The following MAMLD1 variants were observed in gnomAD, a reference collection of about 807,000 sequenced individuals.
MAMLD1 encodes mastermind-like domain-containing protein 1.
MAMLD1 carries 14 observed loss-of-function variants against 45.0 expected under a neutral mutation model. The ratio of observed to expected loss-of-function variants is 0.31; its 90% CI spans 0.21 to 0.49. The LOEUF (loss-of-function observed/expected upper bound fraction) is 0.49, where lower values mean the gene tolerates loss of function less well. Ranked by LOEUF, MAMLD1 falls within the 20% of genes least tolerant of loss-of-function variation. MAMLD1 has a pLI of 0.99. For missense variants in MAMLD1, 543 were observed against 603.6 expected (o/e 0.90, Z 1.05); for synonymous variants, 254 against 247.8 (o/e 1.02, Z -0.24).
At chrX:150,428,018 C>G (rs781859336) in intron 1 of MAMLD1, among the ~76,000 whole-genome samples, 1 of 110,963 alleles carries the variant, frequency 9.0e-6, no homozygotes, top group East Asian at 2.9e-4. Context: ...GCTAAAGGTC[C>G]CAGATAAGCA....
chrX:150,499,544 CAG>C (rs782773025), intron 5 of MAMLD1, among the ~76,000 whole-genome samples: 28 of 111,531 alleles, frequency 2.5e-4, no homozygotes, highest in East Asian at 8.5e-4. Context: ...GCCAAAAGTG[CAG>C]AGTTATTTCA....
chrX:150,374,856 C>T (rs1268918713), intron 1 of MAMLD1, among the ~76,000 whole-genome samples: 1 of 111,314 alleles, frequency 9.0e-6, no homozygotes, highest in African/African-American at 3.3e-5. Flanking sequence ...ACGGTCACAC[C>T]GGGCATGAGA....
intron 1 of MAMLD1, among the ~76,000 whole-genome samples, chrX:150,411,815 C>T (rs183764485): frequency 2.7e-5 from 3 of 111,426 alleles, no homozygotes; most frequent in Non-Finnish European, 3.8e-5. Context: ...AGTTGTGAGC[C>T]CCAGAAGCAG....
At chrX:150,411,220 A>C (rs2034117112) in intron 1 of MAMLD1, among the ~76,000 whole-genome samples, 1 of 111,980 alleles carries the variant, frequency 8.9e-6, no homozygotes, top group African/African-American at 3.2e-5. Flanking sequence ...AGAGGCAGCC[A>C]TGTACTGGCT....
chrX:150,459,474 C>G (rs2035970419), intron 2 of MAMLD1, among the ~76,000 whole-genome samples: 1 of 109,272 alleles, frequency 9.2e-6, no homozygotes, highest in Non-Finnish European at 1.9e-5. Context: ...GGCCCATTTC[C>G]TCCAAGCCCC....
At chrX:150,405,330 G>A (rs1431480596) in intron 1 of MAMLD1, among the ~76,000 whole-genome samples, 1 of 111,277 alleles carries the variant, frequency 9.0e-6, no homozygotes, top group Non-Finnish European at 1.9e-5. Flanking sequence ...TGGATGTGGG[G>A]AATAGGGCTG....
intron 1 of MAMLD1, among the ~76,000 whole-genome samples, chrX:150,379,251 G>A (rs1346496725): frequency 9.0e-6 from 1 of 111,603 alleles, no homozygotes; most frequent in Non-Finnish European, 1.9e-5. Context: ...AAAACAGTGA[G>A]AAATCTCTCT....
At chrX:150,408,800 G>A (rs1685684073) in intron 1 of MAMLD1, among the ~76,000 whole-genome samples, 1 of 112,071 alleles carries the variant, frequency 8.9e-6, no homozygotes, top group African/African-American at 3.2e-5. Flanking sequence ...TCAATCATTG[G>A]CATTTGGTTG....
rs782598480 is a variant in MAMLD1, at chrX:150,512,890, G to A, written c.*931G>A. The A allele has an allele frequency of 1.5e-5, 17 of 1,153,700 alleles. No homozygotes were observed. The highest frequency in any genetic ancestry group is 1.3e-4 in the South Asian group (7 of 52,564). Reference sequence around the variant, plus strand: ...AACCCCCACTAAATGATCTGATTTCGTCACCTGACTGCAATGAGGTAGATT... The same window carrying A: ...AACCCCCACTAAATGATCTGATTTCATCACCTGACTGCAATGAGGTAGATT... On this transcript the variant is annotated 3_prime_UTR_variant, in exon 8 of 8. Coordinates refer to ENST00000370401, the MANE Select transcript of MAMLD1 (RefSeq NM_005491.5).
At chrX:150,420,752 G>A (rs1213702241) in intron 1 of MAMLD1, among the ~76,000 whole-genome samples, 3 of 112,374 alleles carry the variant, frequency 2.7e-5, no homozygotes, top group African/African-American at 9.7e-5. Flanking sequence ...GGCTGCTCGG[G>A]GGTCAGGGGT....
At chrX:150,450,114 C>T (rs2124608834) in intron 2 of MAMLD1, among the ~76,000 whole-genome samples, 1 of 112,059 alleles carries the variant, frequency 8.9e-6, no homozygotes, top group South Asian at 3.8e-4. Context: ...AGGCACTGTT[C>T]TCAGTGCCTT....
intron 1 of MAMLD1, among the ~76,000 whole-genome samples, chrX:150,376,025 G>A (rs1207037924): frequency 1.8e-5 from 2 of 111,341 alleles, no homozygotes; most frequent in Non-Finnish European, 3.8e-5. Flanking sequence ...CATGTGGTCT[G>A]GCTTCAGCTT....
At chrX:150,473,603 C>CA in intron 4 of MAMLD1, 77 bp from the exon 5 acceptor site, 1 of 1,046,975 alleles carries the variant, frequency 9.6e-7, no homozygotes, top group Non-Finnish European at 1.3e-6. Flanking sequence ...AGGCAAAGCA[C>CA]ATAGGACACG....
intron 1 of MAMLD1, among the ~76,000 whole-genome samples, chrX:150,374,426 G>A (rs73246818): frequency 0.021 from 2,331 of 112,178 alleles, 35 homozygotes; most frequent in Non-Finnish European, 0.029. Flanking sequence ...AGACGGTGTT[G>A]GTGAGATGGT....
intron 1 of MAMLD1, among the ~76,000 whole-genome samples, chrX:150,386,596 T>A (rs1202286993): frequency 8.9e-6 from 1 of 112,010 alleles, no homozygotes; most frequent in Non-Finnish European, 1.9e-5. Flanking sequence ...AATTTTTTTA[T>A]TGTCCAGGCC....
At chrX:150,440,990 A>G (rs1252167853) in intron 1 of MAMLD1, among the ~76,000 whole-genome samples, 1 of 105,012 alleles carries the variant, frequency 9.5e-6, no homozygotes, top group Non-Finnish European at 1.9e-5. Context: ...ATAATATAAT[A>G]TAATATTTAA....
intron 3 of MAMLD1, among the ~76,000 whole-genome samples, chrX:150,463,951 CAG>C (rs1215479167): frequency 1.8e-4 from 20 of 112,027 alleles, no homozygotes; most frequent in Non-Finnish European, 9.4e-5. Context: ...AAGAAAGCAA[CAG>C]AGGCCCAACA....
At chrX:150,371,941 G>A (rs782335638) in intron 1 of MAMLD1, among the ~76,000 whole-genome samples, 55 of 111,953 alleles carry the variant, frequency 4.9e-4, no homozygotes, top group Non-Finnish European at 7.0e-4. Context: ...CCAGAGAAGC[G>A]TCTGACTTTC....
At chrX:150,450,430 C>T (rs1557405020) in intron 2 of MAMLD1, among the ~76,000 whole-genome samples, 1 of 111,788 alleles carries the variant, frequency 8.9e-6, no homozygotes, top group Non-Finnish European at 1.9e-5. Context: ...GAGGGGAGCT[C>T]ATGTTTATGG....
Sources: gnomAD v4.1 joint callset for allele counts (sites outside exome capture counted in the v4.1 genomes callset) on GRCh38, gnomAD v4.1.1 for gene constraint, MANE v1.5 for transcripts, NCBI Gene and HGNC (gene_info 2026-07-23, HGNC 2026-07-21) for gene names.